HECW2: variants seen among roughly 807,000 people sequenced by gnomAD.
The protein encoded by HECW2 is HECT, C2 and WW domain containing E3 ubiquitin protein ligase 2, also known as E3 ubiquitin-protein ligase HECW2.
Under a neutral mutation model 175.2 loss-of-function variants are expected in HECW2, and 61 were observed. The ratio of observed to expected loss-of-function variants is 0.35; its 90% CI spans 0.28 to 0.43. The LOEUF is 0.43. Among genes scored for constraint, HECW2 ranks in the 20% least tolerant of loss-of-function variants. HECW2 has a pLI of 1.00. For synonymous variants in HECW2, 671 were observed against 731.0 expected (o/e 0.92, Z 1.32); for missense variants, 1,524 against 2,000.5 (o/e 0.76, Z 4.54).
intron 24 of HECW2, among the ~76,000 whole-genome samples, chr2:196,221,164 A>G (rs188712093): frequency 6.6e-6 from 1 of 152,080 alleles, no homozygotes; most frequent in Admixed American, 6.5e-5. Flanking sequence ...AAGTATATAT[A>G]TGTATTGCTG....
chr2:196,347,687 T>C (rs1389276834), intron 2 of HECW2, among the ~76,000 whole-genome samples: 1 of 152,206 alleles, frequency 6.6e-6, no homozygotes, highest in Non-Finnish European at 1.5e-5. Flanking sequence ...CTGTTTTGAT[T>C]ACAGAAAACA....
rs117304593 is a variant in HECW2 at position 196,219,771 on chromosome 2, T to C, written c.4408+268A>G. On this transcript the variant is annotated intron_variant, in intron 26 of 28. Coordinates refer to ENST00000644978, the MANE Select transcript of HECW2 (RefSeq NM_001348768.2). Reference sequence around the variant, plus strand: ...ACTGACAACACGATAAAGTAATTAATTAGTGTTCTTACGGTCACATTTCCT... The same window carrying C: ...ACTGACAACACGATAAAGTAATTAACTAGTGTTCTTACGGTCACATTTCCT... 1.2e-3 allele frequency among the ~76,000 whole-genome samples: 177 copies of C among 152,320 alleles called. 4 individuals carry two copies. The East Asian group carries it at 0.031, about 27-fold the overall frequency.
At chr2:196,429,337 T>C (rs973209543) in intron 2 of HECW2, among the ~76,000 whole-genome samples, 1 of 152,206 alleles carries the variant, frequency 6.6e-6, no homozygotes, top group South Asian at 2.1e-4. Flanking sequence ...AAATGGACCC[T>C]TGTGGGGTCT....
chr2:196,438,203 C>T (rs778226876), intron 1 of HECW2, among the ~76,000 whole-genome samples: 9 of 152,054 alleles, frequency 5.9e-5, no homozygotes, highest in Admixed American at 1.3e-4. Context: ...GCTACTAGGA[C>T]GAACAAAAGC....
intron 28 of HECW2, among the ~76,000 whole-genome samples, chr2:196,201,634 T>C (rs1686862971): frequency 1.3e-5 from 2 of 152,198 alleles, no homozygotes; most frequent in Non-Finnish European, 2.9e-5. Context: ...TTCACCACCA[T>C]TTAAAAGCTA....
At chr2:196,428,165 C>A (rs773224465) in intron 2 of HECW2, among the ~76,000 whole-genome samples, 1 of 152,158 alleles carries the variant, frequency 6.6e-6, no homozygotes, top group Non-Finnish European at 1.5e-5. Context: ...TGATGTTCTA[C>A]TAAATTCCTT....
At chr2:196,476,163 G>A (rs534283052) in intron 1 of HECW2, among the ~76,000 whole-genome samples, 1 of 151,906 alleles carries the variant, frequency 6.6e-6, no homozygotes, top group South Asian at 2.1e-4. Flanking sequence ...AGGCAGGTGG[G>A]CTGGGAGCAG....
chr2:196,296,908 T>C (rs2105661507), intron 13 of HECW2, among the ~76,000 whole-genome samples: 1 of 152,346 alleles, frequency 6.6e-6, no homozygotes, highest in Middle Eastern at 3.4e-3. Flanking sequence ...TATTTTCCTT[T>C]GTTCTCCTGG....
intron 13 of HECW2, among the ~76,000 whole-genome samples, chr2:196,295,758 C>A (rs552263588): frequency 2.6e-5 from 4 of 152,180 alleles, no homozygotes; most frequent in Non-Finnish European, 5.9e-5. Flanking sequence ...CTCATCCCAG[C>A]CTCAGACCTG....
At chr2:196,354,290 C>A (rs1483736936) in intron 2 of HECW2, among the ~76,000 whole-genome samples, 9 of 152,220 alleles carry the variant, frequency 5.9e-5, no homozygotes, top group Admixed American at 3.3e-4. Context: ...TGGGCACCAC[C>A]GCATTCCCAT....
chr2:196,382,060 C>G (rs1029054658), intron 2 of HECW2, among the ~76,000 whole-genome samples: 12 of 151,880 alleles, frequency 7.9e-5, no homozygotes, highest in Admixed American at 7.9e-4. Flanking sequence ...ATGTTCTGAC[C>G]TGGAAAAATC....
At chr2:196,353,816 G>T (rs1282667542) in intron 2 of HECW2, among the ~76,000 whole-genome samples, 2 of 152,114 alleles carry the variant, frequency 1.3e-5, no homozygotes, top group Non-Finnish European at 2.9e-5. Flanking sequence ...CCCATCCTGT[G>T]CCTATAAAAA....
intron 1 of HECW2, among the ~76,000 whole-genome samples, chr2:196,528,085 G>T (rs1021395072): frequency 1.3e-5 from 2 of 152,146 alleles, no homozygotes; most frequent in African/African-American, 4.8e-5. Context: ...AGATGATGAT[G>T]GAGGTGATAG....
At chr2:196,362,279 T>C in intron 2 of HECW2, 1 of 726,168 alleles carries the variant, frequency 1.4e-6, no homozygotes, top group Non-Finnish European at 1.7e-6. Flanking sequence ...TTCCTTCCTT[T>C]GCTTTTCCAT....
chr2:196,291,040 T>C (rs553796424), intron 14 of HECW2: 12 of 152,292 alleles, frequency 7.9e-5, no homozygotes, highest in African/African-American at 2.9e-4. Context: ...TTAAAATACA[T>C]GCATTTTGTA....
chr2:196,243,491 C>A (rs956040818), intron 19 of HECW2, among the ~76,000 whole-genome samples: 2 of 151,956 alleles, frequency 1.3e-5, no homozygotes, highest in Non-Finnish European at 2.9e-5. Context: ...TAACATGTGC[C>A]AAGTACTGAG....
chr2:196,563,244 T>C (rs528652008), intron 1 of HECW2, among the ~76,000 whole-genome samples: 43 of 152,298 alleles, frequency 2.8e-4, no homozygotes, highest in African/African-American at 1.0e-3. Flanking sequence ...AAAATAAATG[T>C]TATAACGTTA....
intron 1 of HECW2, among the ~76,000 whole-genome samples, chr2:196,496,445 G>A (rs557448385): frequency 1.3e-5 from 2 of 152,004 alleles, no homozygotes; most frequent in Admixed American, 1.3e-4. Context: ...ATACATGCAT[G>A]CATACATATA....
rs761671599 is a variant in HECW2 at position 196,325,041 on chromosome 2, T to C, written c.680A>G (p.His227Arg). The change falls in exon 6 of 29, where the codon CAC (histidine) becomes CGC (arginine). Residue 227 changes from histidine to arginine, a missense_variant. Coordinates refer to ENST00000644978, the MANE Select transcript of HECW2 (RefSeq NM_001348768.2). ...KKSSFPTCAHHGQERRSTIIS... is the reference protein window; with the variant it reads ...KKSSFPTCAHRGQERRSTIIS... Reference sequence around the variant, plus strand: ...GATAGTAGACCGTCTCTCCTGCCCGTGGTGGGCACAGGTGGGGAAACTGCT... The same window carrying C: ...GATAGTAGACCGTCTCTCCTGCCCGCGGTGGGCACAGGTGGGGAAACTGCT... 6.2e-7 allele frequency: 1 copy of C among 1,611,842 alleles called. No homozygotes were observed. Among genetic ancestry groups the C allele is most frequent in the Non-Finnish European group, 8.5e-7 (1 of 1,179,220 alleles).
Sources: gnomAD v4.1 joint callset for allele counts (sites outside exome capture counted in the v4.1 genomes callset) on GRCh38, gnomAD v4.1.1 for gene constraint, MANE v1.5 for transcripts, NCBI Gene and HGNC (gene_info 2026-07-23, HGNC 2026-07-21) for gene names.